Variants in PANK1 observed in about 807,000 individuals in gnomAD.
The protein encoded by PANK1 is pantothenic acid kinase 1.
Under a neutral mutation model 40.1 loss-of-function variants are expected in PANK1, and 18 were observed. The ratio of observed to expected loss-of-function variants is 0.45; its 90% CI spans 0.31 to 0.67. The LOEUF (loss-of-function observed/expected upper bound fraction) is 0.67, where lower values mean the gene tolerates loss of function less well. PANK1 is among the 30% of genes least tolerant of loss of function. The probability of loss-of-function intolerance (pLI) is 0.06; values close to 1 mark genes in which losing one functional copy is unlikely to be tolerated. For missense variants in PANK1, 457 were observed against 599.6 expected (o/e 0.76, Z 2.48); for synonymous variants, 242 against 237.7 (o/e 1.02, Z -0.17).
chr10:89,610,975 T>C (rs966879564), intron 2 of PANK1, among the ~76,000 whole-genome samples: 1 of 112,894 alleles, frequency 8.9e-6, no homozygotes, highest in African/African-American at 2.8e-5. Context: ...GCACAGATGT[T>C]AAGGGAATGC....
intron 5 of PANK1, among the ~76,000 whole-genome samples, chr10:89,590,265 T>C (rs1054229462): frequency 6.6e-6 from 1 of 152,118 alleles, no homozygotes; most frequent in African/African-American, 2.4e-5. Flanking sequence ...AAAATGGATT[T>C]GTTAATTAAT....
chr10:89,605,019 G>A (rs547549242), intron 2 of PANK1, among the ~76,000 whole-genome samples: 2 of 151,220 alleles, frequency 1.3e-5, no homozygotes, highest in South Asian at 2.1e-4. Flanking sequence ...CCAAAGTGCT[G>A]GGATTACAGG....
At chr10:89,640,368 T>C (rs1841935590) in intron 1 of PANK1, among the ~76,000 whole-genome samples, 1 of 148,576 alleles carries the variant, frequency 6.7e-6, no homozygotes, top group Non-Finnish European at 1.5e-5. Flanking sequence ...TCTACTACTC[T>C]CAAATGTACT....
chr10:89,628,880 G>T (rs1299877270), intron 1 of PANK1, among the ~76,000 whole-genome samples: 5 of 152,118 alleles, frequency 3.3e-5, no homozygotes, highest in Admixed American at 2.0e-4. Flanking sequence ...GATGTCCTCA[G>T]GAATCATGTA....
Position 89,612,047 on chromosome 10 carries a change from T to C in PANK1, c.294A>G (p.Pro98=), listed in dbSNP as rs748365548. The C allele has an allele frequency of 6.2e-7, 1 of 1,611,226 alleles. No individual in the cohort carries two copies. Among genetic ancestry groups the C allele is most frequent in the East Asian group, 2.2e-5 (1 of 44,882 alleles). Residue 98 remains proline, a splice_region_variant and synonymous_variant, in exon 2 of 7, where the codon CCA becomes CCG. Coordinates refer to ENST00000307534, the MANE Select transcript of PANK1 (RefSeq NM_148977.3). ...CGATGTCCATGCCAAACCATGGGAA[T>C]GCTAAAGGACAGAAAGAAAGAGTGC... The part of the protein sequence containing the change: ...RMDSGRKNRP[P]FPWFGMDIGG...
intron 1 of PANK1, among the ~76,000 whole-genome samples, chr10:89,621,658 G>A (rs977623705): frequency 3.9e-5 from 6 of 152,126 alleles, no homozygotes; most frequent in Non-Finnish European, 8.8e-5. Context: ...AACCGAGAAT[G>A]TCCCAACAGT....
chr10:89,623,062 TTC>T (rs1845544925), intron 1 of PANK1, among the ~76,000 whole-genome samples: 1 of 152,118 alleles, frequency 6.6e-6, no homozygotes, highest in Non-Finnish European at 1.5e-5. Flanking sequence ...AATGGTACAT[TTC>T]AGGCGGTTAT....
chr10:89,644,959 G>C lies in PANK1; in HGVS notation c.-68C>G, dbSNP rs938524978. 32 of 1,572,720 alleles carry C rather than the reference G, an allele frequency of 2.0e-5. No homozygotes were observed. Among genetic ancestry groups the C allele is most frequent in the Non-Finnish European group, 2.7e-5 (31 of 1,162,974 alleles). The stretch of plus-strand genomic sequence containing the variant: ...GCCTCGCTGGAGGTCATTCTCCGGC[G>C]TCTTTATTTCCCCGGATCCTCCCTG... On this transcript the variant is annotated 5_prime_UTR_variant, in exon 1 of 7. Coordinates refer to ENST00000307534, the MANE Select transcript of PANK1 (RefSeq NM_148977.3).
chr10:89,604,881 G>A (rs1164249705), intron 2 of PANK1, among the ~76,000 whole-genome samples: 1 of 151,616 alleles, frequency 6.6e-6, no homozygotes, highest in Non-Finnish European at 1.5e-5. Flanking sequence ...CTCCCGAGTA[G>A]CTGGGACTAC....
At chr10:89,593,362 A>T in intron 4 of PANK1, 42 bp from the exon 5 acceptor site, 1 of 1,601,448 alleles carries the variant, frequency 6.2e-7, no homozygotes, top group South Asian at 1.1e-5. Flanking sequence ...AATCGTCCTC[A>T]GGCAGGGCCC....
chr10:89,605,441 TCAA>T (rs1179487011), intron 2 of PANK1, among the ~76,000 whole-genome samples: 1 of 152,350 alleles, frequency 6.6e-6, no homozygotes, highest in Admixed American at 6.5e-5. Context: ...TGTTGTCATT[TCAA>T]CAACGTTCAC....
intron 1 of PANK1, among the ~76,000 whole-genome samples, chr10:89,619,872 G>A (rs1288870654): frequency 6.6e-6 from 1 of 152,210 alleles, no homozygotes; most frequent in Non-Finnish European, 1.5e-5. Context: ...TCTGTTGCGG[G>A]AAGTCAGGGA....
intron 1 of PANK1, among the ~76,000 whole-genome samples, chr10:89,642,861 T>C (rs188547992): frequency 6.6e-6 from 1 of 152,346 alleles, no homozygotes; most frequent in Admixed American, 6.5e-5. Flanking sequence ...TTTTTAAAAA[T>C]TATAAGTAAC....
chr10:89,589,574 T>C (rs11185773), intron 5 of PANK1, among the ~76,000 whole-genome samples: 22,142 of 152,012 alleles, frequency 0.15, 2,156 homozygotes, highest in East Asian at 0.44. Flanking sequence ...CCAGTTGCTA[T>C]GGTCACTCAT....
At chr10:89,611,596 C>T in intron 2 of PANK1, 100 bp downstream of exon 2, 1 of 837,842 alleles carries the variant, frequency 1.2e-6, no homozygotes, top group Non-Finnish European at 1.9e-6. Flanking sequence ...TAAGCTTGTC[C>T]AGAGTCCCAA....
chr10:89,639,132 A>AAAT (rs1263631078), intron 1 of PANK1: 6 of 413,808 alleles, frequency 1.4e-5, no homozygotes, highest in Non-Finnish European at 3.0e-5. Context: ...TAATGAACAG[A>AAAT]AATTTATTTG....
chr10:89,600,268 A>C (rs1229159072), intron 2 of PANK1, among the ~76,000 whole-genome samples: 2 of 152,218 alleles, frequency 1.3e-5, no homozygotes, highest in African/African-American at 4.8e-5. Context: ...AGAAAGCAAC[A>C]AAAATGCTAT....
chr10:89,587,490 C>T (rs137954349), intron 6 of PANK1, among the ~76,000 whole-genome samples: 9 of 152,200 alleles, frequency 5.9e-5, no homozygotes, highest in Non-Finnish European at 7.4e-5. Context: ...GATGCCACAA[C>T]GTGAAAGAGA....
chr10:89,593,762 A>G, intron 4 of PANK1, 51 bp downstream of exon 4: 1 of 1,374,024 alleles, frequency 7.3e-7, no homozygotes, highest in Non-Finnish European at 1.0e-6. Flanking sequence ...GCCAGGGTGG[A>G]GAGGCTGCCT....
Sources: allele counts gnomAD v4.1 joint callset (sites outside exome capture counted in the v4.1 genomes callset), GRCh38; gene constraint gnomAD v4.1.1; transcripts MANE v1.5; gene names NCBI Gene and HGNC (gene_info 2026-07-23, HGNC 2026-07-21).